The following LIN7A variants were observed in gnomAD, a reference collection of about 807,000 sequenced individuals.
LIN7A encodes lin-7 cell polarity scaffold A, also known as protein lin-7 homolog A.
LIN7A carries 25 observed loss-of-function variants against 29.8 expected under a neutral mutation model. The observed-to-expected ratio is 0.84, with a 90% CI of 0.61 to 1.17. LIN7A has a LOEUF of 1.17. LIN7A is among the 50% of genes most tolerant of loss of function. The pLI is 0.00. For missense variants in LIN7A, 239 were observed against 287.0 expected (o/e 0.83, Z 1.21); for synonymous variants, 118 against 107.5 (o/e 1.10, Z -0.60).
chr12:80,936,461 G>A (rs1592965343), intron 1 of LIN7A: 2 of 152,292 alleles, frequency 1.3e-5, no homozygotes, highest in Admixed American at 1.3e-4. Flanking sequence ...CCATCGTTCA[G>A]TTTAATCCTC....
At chr12:80,927,165 T>C (rs1329494830) in intron 1 of LIN7A, among the ~76,000 whole-genome samples, 1 of 127,384 alleles carries the variant, frequency 7.9e-6, no homozygotes, top group South Asian at 2.7e-4. Context: ...CTTTTTTTTT[T>C]TTTTTTTTTT....
At chr12:80,821,892 G>T (rs1475832829) in intron 4 of LIN7A, among the ~76,000 whole-genome samples, 1 of 152,212 alleles carries the variant, frequency 6.6e-6, no homozygotes, top group Non-Finnish European at 1.5e-5. Context: ...TGCCTGCTCA[G>T]ATTTCACAGC....
intron 4 of LIN7A, chr12:80,841,965 C>G: frequency 5.1e-6 from 6 of 1,172,682 alleles, no homozygotes; most frequent in Non-Finnish European, 6.4e-6. Flanking sequence ...AGCCATACAC[C>G]AAAGGCCTCT....
chr12:80,858,045 T>C (rs1320122753), intron 2 of LIN7A, among the ~76,000 whole-genome samples: 2 of 152,108 alleles, frequency 1.3e-5, no homozygotes, highest in African/African-American at 4.8e-5. Context: ...GGGAGCTCAG[T>C]AGGGAGGCAT....
At chr12:80,918,055 C>CT (rs1027928411) in intron 1 of LIN7A, among the ~76,000 whole-genome samples, 4 of 151,360 alleles carry the variant, frequency 2.6e-5, no homozygotes, top group Non-Finnish European at 5.9e-5. Flanking sequence ...TTTTCTTTTT[C>CT]TTTTTTTTCT....
chr12:80,836,155 T>C (rs1872581180), intron 4 of LIN7A, among the ~76,000 whole-genome samples: 1 of 152,178 alleles, frequency 6.6e-6, no homozygotes, highest in South Asian at 2.1e-4. Flanking sequence ...ACCTTAAAAC[T>C]CCATTGGTTG....
chr12:80,926,034 G>C (rs947168303), intron 1 of LIN7A, among the ~76,000 whole-genome samples: 2 of 152,120 alleles, frequency 1.3e-5, no homozygotes, highest in Non-Finnish European at 2.9e-5. Flanking sequence ...TGTTCTTCCA[G>C]ATCGTTGCAT....
At chr12:80,823,578 G>A (rs1871918868) in intron 4 of LIN7A, among the ~76,000 whole-genome samples, 1 of 152,176 alleles carries the variant, frequency 6.6e-6, no homozygotes, top group Non-Finnish European at 1.5e-5. Flanking sequence ...CATCTGACTT[G>A]CCCCTGGTAG....
intron 4 of LIN7A, among the ~76,000 whole-genome samples, chr12:80,818,565 G>T (rs1220286347): frequency 6.6e-6 from 1 of 152,150 alleles, no homozygotes; most frequent in Non-Finnish European, 1.5e-5. Context: ...TAAAGAAAAA[G>T]TAAGTATCAC....
At chr12:80,839,609 C>A (rs1048132601) in intron 4 of LIN7A, among the ~76,000 whole-genome samples, 8 of 152,160 alleles carry the variant, frequency 5.3e-5, no homozygotes, top group African/African-American at 1.9e-4. Flanking sequence ...TTTATGTTTT[C>A]TCTTTGTTCC....
intron 1 of LIN7A, among the ~76,000 whole-genome samples, chr12:80,913,861 G>T (rs565571754): frequency 2.8e-4 from 43 of 152,090 alleles, no homozygotes; most frequent in African/African-American, 8.9e-4. Context: ...GCTAATTCAT[G>T]CTCTACTTAC....
At chr12:80,846,560 T>C (rs1565899880) in intron 3 of LIN7A, among the ~76,000 whole-genome samples, 1 of 152,192 alleles carries the variant, frequency 6.6e-6, no homozygotes, top group Non-Finnish European at 1.5e-5. Context: ...TTCAAACAGA[T>C]TATTGTTAGC....
intron 1 of LIN7A, among the ~76,000 whole-genome samples, chr12:80,926,402 T>A (rs1877583026): frequency 1.3e-5 from 2 of 152,180 alleles, no homozygotes; most frequent in South Asian, 4.1e-4. Flanking sequence ...AACTTATTAT[T>A]TGAATATAAG....
At chr12:80,902,206 T>C (rs979537058) in intron 1 of LIN7A, among the ~76,000 whole-genome samples, 6 of 141,144 alleles carry the variant, frequency 4.3e-5, no homozygotes, top group African/African-American at 1.6e-4. Flanking sequence ...TTCTGTTCCA[T>C]TGGTCTATGT....
At chr12:80,859,570 T>C (rs1873763681) in intron 2 of LIN7A, among the ~76,000 whole-genome samples, 1 of 152,166 alleles carries the variant, frequency 6.6e-6, no homozygotes, top group African/African-American at 2.4e-5. Context: ...CCAACATCTA[T>C]TTATGTCATT....
intron 1 of LIN7A, among the ~76,000 whole-genome samples, chr12:80,913,212 A>G (rs1729397711): frequency 6.6e-6 from 1 of 152,252 alleles, no homozygotes; most frequent in Admixed American, 6.5e-5. Context: ...TTCTAACCAT[A>G]AATTAACAGG....
At chr12:80,912,384 G>T (rs1166461986) in intron 1 of LIN7A, among the ~76,000 whole-genome samples, 2 of 152,050 alleles carry the variant, frequency 1.3e-5, no homozygotes, top group Non-Finnish European at 2.9e-5. Flanking sequence ...TAAAATCAGT[G>T]TGGCTATTCT....
intron 2 of LIN7A, 94 bp from the exon 3 acceptor site, chr12:80,848,416 A>T: frequency 1.1e-6 from 1 of 936,766 alleles, no homozygotes; most frequent in Non-Finnish European, 1.7e-6. Context: ...ACTGTAGGAA[A>T]AAAATTCTCT....
chr12:80,843,364 C>T (rs951478103), intron 4 of LIN7A, among the ~76,000 whole-genome samples: 3 of 152,146 alleles, frequency 2.0e-5, no homozygotes, highest in Admixed American at 6.5e-5. Context: ...AAAGTTGTCT[C>T]ATCTGCCTCA....
Sources: allele counts gnomAD v4.1 joint callset (sites outside exome capture counted in the v4.1 genomes callset), GRCh38; gene constraint gnomAD v4.1.1; transcripts MANE v1.5; gene names NCBI Gene and HGNC (gene_info 2026-07-23, HGNC 2026-07-21).